The following ACSBG1 variants were observed in gnomAD, a reference collection of about 807,000 sequenced individuals.
The protein encoded by ACSBG1 is acyl-CoA synthetase bubblegum family member 1.
ACSBG1 carries 39 observed loss-of-function variants against 80.2 expected under a neutral mutation model. The ratio of observed to expected loss-of-function variants is 0.49; its 90% CI spans 0.38 to 0.64. The LOEUF (loss-of-function observed/expected upper bound fraction) is 0.64, where lower values mean the gene tolerates loss of function less well. ACSBG1 is among the 30% of genes least tolerant of loss of function. The pLI, the probability that ACSBG1 is intolerant of heterozygous loss-of-function variation, is 0.00. For missense variants in ACSBG1, 828 were observed against 966.4 expected, an observed-to-expected ratio of 0.86 and a Z score of 1.90; for synonymous variants, 392 against 379.5, an observed-to-expected ratio of 1.03 and a Z score of -0.38.
rs533752061 is a variant in ACSBG1 at position 78,184,153 on chromosome 15, T to C, written c.664-1368A>G. Among the ~76,000 whole-genome samples, 3 of 152,326 alleles carry C rather than the reference T, an allele frequency of 2.0e-5. No individual in the cohort carries two copies. The South Asian group carries it at 6.2e-4, about 32-fold the overall frequency. ...AGGCAAAAAGGAATTTCAAATTCTA[T>C]GCAATAGTCTTATTGGTTTCTGGGG... On this transcript the variant is annotated intron_variant, in intron 5 of 13. Coordinates refer to ENST00000258873, the MANE Select transcript of ACSBG1 (RefSeq NM_015162.5).
At chr15:78,231,858 G>A (rs1676080676) in intron 1 of ACSBG1, among the ~76,000 whole-genome samples, 1 of 152,204 alleles carries the variant, frequency 6.6e-6, no homozygotes, top group African/African-American at 2.4e-5. Context: ...TAAAGTGCTA[G>A]AATTACAGGC....
At chr15:78,234,271 G>T in intron 1 of ACSBG1, 100 bp downstream of exon 1, 1 of 1,485,280 alleles carries the variant, frequency 6.7e-7, no homozygotes, top group Non-Finnish European at 9.1e-7. Flanking sequence ...AAGAAACTGA[G>T]GCTCAGAGAG....
At chr15:78,181,639 A>G (rs577024450) in intron 8 of ACSBG1, among the ~76,000 whole-genome samples, 1 of 151,642 alleles carries the variant, frequency 6.6e-6, no homozygotes, top group Non-Finnish European at 1.5e-5. Context: ...GACTACAGGC[A>G]CCTGCCACCA....
Position 78,207,995 on chromosome 15 carries a change from G to A in ACSBG1, c.232+7C>T, listed in dbSNP as rs774308576. On this transcript the variant is annotated splice_region_variant and intron_variant, in intron 2 of 13. Coordinates refer to ENST00000258873, the MANE Select transcript of ACSBG1 (RefSeq NM_015162.5). ...CTGCCCCACCCTACCACCCCCAGCTGGCTTACCTGGAGCATCCCACTGGGC... is the reference window on the plus strand; with the variant it reads ...CTGCCCCACCCTACCACCCCCAGCTAGCTTACCTGGAGCATCCCACTGGGC... 1 of 1,541,600 alleles carries A rather than the reference G, an allele frequency of 6.5e-7. No homozygotes were observed. Among genetic ancestry groups the A allele is most frequent in the Non-Finnish European group, 8.9e-7 (1 of 1,126,620 alleles).
chr15:78,216,903 C>T (rs1478019128), intron 1 of ACSBG1, among the ~76,000 whole-genome samples: 1 of 152,266 alleles, frequency 6.6e-6, no homozygotes, highest in Non-Finnish European at 1.5e-5. Context: ...AGTTGGCAAG[C>T]AGCCTGGCCG....
chr15:78,214,314 C>T (rs34305311), intron 1 of ACSBG1, among the ~76,000 whole-genome samples: 1,900 of 152,306 alleles, frequency 0.012, 12 homozygotes, highest in Non-Finnish European at 0.019. Flanking sequence ...ACTCCCTCAT[C>T]TTTAATTATT....
chr15:78,179,175 C>T (rs1172602845), intron 10 of ACSBG1, among the ~76,000 whole-genome samples: 2 of 152,076 alleles, frequency 1.3e-5, no homozygotes, highest in African/African-American at 4.8e-5. Context: ...CCTGGTCCCC[C>T]CAACTCCTAC....
At chr15:78,194,132 G>T in intron 3 of ACSBG1, 112 bp from the exon 4 acceptor site, 1 of 1,032,602 alleles carries the variant, frequency 9.7e-7, no homozygotes, top group Non-Finnish European at 1.5e-6. Flanking sequence ...CACCCTCCCA[G>T]GGTCCCCTCA....
chr15:78,227,217 T>TC lies in ACSBG1; in HGVS notation c.131+7153dup, dbSNP rs2075411690. Among the ~76,000 whole-genome samples the TC allele has an allele frequency of 2.3e-4, 6 of 25,870 alleles. No individual in the cohort carries two copies. The South Asian group carries it at 7.5e-3, about 32-fold the overall frequency. 17.0% of individuals were successfully genotyped at this position (25,870 alleles called of 152,430 possible). A position where few individuals can be genotyped will look rare whatever the true frequency, so the allele number is the denominator to read the frequency against. ...CTGGGTGACAGAGCGAGACCCTGTC[T>TC]CAAAAAAAAAAAAAAAAAAAAAAAA... On this transcript the variant is annotated intron_variant, in intron 1 of 13. Coordinates refer to ENST00000258873, the MANE Select transcript of ACSBG1 (RefSeq NM_015162.5).
At chr15:78,231,143 G>A (rs927954216) in intron 1 of ACSBG1, among the ~76,000 whole-genome samples, 5 of 151,882 alleles carry the variant, frequency 3.3e-5, no homozygotes, top group South Asian at 2.1e-4. Flanking sequence ...TTTTTGAGAC[G>A]GAGTTTTATT....
At chr15:78,213,259 C>T (rs1258466662) in intron 1 of ACSBG1, among the ~76,000 whole-genome samples, 1 of 152,204 alleles carries the variant, frequency 6.6e-6, no homozygotes. Flanking sequence ...TCCCCATCAC[C>T]CTGCGTGGCG....
In ACSBG1 at chr15:78,168,850, G is replaced by A; in HGVS notation, c.*2594C>T. ...ACTTGCCCAGGTGGCATCTCACTGAGGGCTTTAAAATCTCCTTGGTTTAGT... is the reference window on the plus strand; with the variant it reads ...ACTTGCCCAGGTGGCATCTCACTGAAGGCTTTAAAATCTCCTTGGTTTAGT... On this transcript the variant is annotated 3_prime_UTR_variant, in exon 14 of 14. Coordinates refer to ENST00000258873, the MANE Select transcript of ACSBG1 (RefSeq NM_015162.5). 1 of 966,510 alleles carries A rather than the reference G, an allele frequency of 1.0e-6. No individual in the cohort carries two copies. The highest frequency in any genetic ancestry group is 1.6e-6 in the Non-Finnish European group (1 of 606,086). The allele number at this position is 966,510 out of a possible 1,614,324, so 59.9% of individuals were successfully genotyped here. A position where few individuals can be genotyped will look rare whatever the true frequency, so the allele number is the denominator to read the frequency against.
Position 78,194,744 on chromosome 15 carries a change from C to A in ACSBG1, c.233-18G>T. On this transcript the variant is annotated intron_variant, in intron 2 of 13. Transcript: ENST00000258873. Reference sequence around the variant, plus strand: ...CGCCTCCTCTGTGGGGTGGGGGAGACCACAGCTTGGATCATGCCAGCCTGG... The same window carrying A: ...CGCCTCCTCTGTGGGGTGGGGGAGAACACAGCTTGGATCATGCCAGCCTGG... The A allele has an allele frequency of 6.2e-7, 1 of 1,608,392 alleles. No homozygotes were observed. Among genetic ancestry groups the A allele is most frequent in the Non-Finnish European group, 8.5e-7 (1 of 1,178,546 alleles).
intron 1 of ACSBG1, chr15:78,213,541 G>C (rs1330549445): frequency 6.5e-6 from 1 of 152,786 alleles, no homozygotes; most frequent in South Asian, 2.1e-4. Flanking sequence ...CCCAGGTTCC[G>C]GGTGATGAGG....
chr15:78,208,208 C>G, intron 1 of ACSBG1, 106 bp from the exon 2 acceptor site: 1 of 782,748 alleles, frequency 1.3e-6, no homozygotes, highest in Non-Finnish European at 2.2e-6. Context: ...CAGGGGGACA[C>G]TGGCACCTCT....
rs1271428556 is a variant in ACSBG1 at position 78,194,587 on chromosome 15, G to A, written c.372C>T (p.Phe124=). 10 of 1,614,152 alleles carry A rather than the reference G, an allele frequency of 6.2e-6. No individual in the cohort carries two copies. Among genetic ancestry groups the A allele is most frequent in the African/African-American group, 5.3e-5 (4 of 74,956 alleles). The change falls in exon 3 of 14, where the codon TTC becomes TTT. Residue 124 remains phenylalanine, a synonymous_variant. Transcript: ENST00000258873. ...DKYGDLIALG[F]KRQDKWEHIS... Reference sequence around the variant, plus strand: ...TGTGTTCCCACTTGTCCTGGCGCTTGAAGCCCAAAGCGATGAGGTCCCCAT... The same window carrying A: ...TGTGTTCCCACTTGTCCTGGCGCTTAAAGCCCAAAGCGATGAGGTCCCCAT...
chr15:78,194,435 G>T, intron 3 of ACSBG1, 71 bp downstream of exon 3: 1 of 1,445,716 alleles, frequency 6.9e-7, no homozygotes, highest in Non-Finnish European at 9.6e-7. Context: ...TTGGAGAGGA[G>T]GCCTGTGAGG....
chr15:78,194,765 C>A, intron 2 of ACSBG1, 39 bp from the exon 3 acceptor site: 1 of 1,592,226 alleles, frequency 6.3e-7, no homozygotes, highest in Non-Finnish European at 8.6e-7. Context: ...ATCATGCCAG[C>A]CTGGGGACAC....
intron 1 of ACSBG1, among the ~76,000 whole-genome samples, chr15:78,226,767 T>C (rs1379682063): frequency 6.9e-6 from 1 of 145,382 alleles, no homozygotes; most frequent in Non-Finnish European, 1.5e-5. Context: ...ATGTAGGAAA[T>C]AGTAGAACAC....
Sources: gnomAD v4.1 joint callset for allele counts (sites outside exome capture counted in the v4.1 genomes callset) on GRCh38, gnomAD v4.1.1 for gene constraint, MANE v1.5 for transcripts, NCBI Gene and HGNC (gene_info 2026-07-23, HGNC 2026-07-21) for gene names.